ANKRD17: variants seen among roughly 807,000 people sequenced by gnomAD.
ANKRD17 encodes the protein ankyrin repeat domain-containing protein 17.
Under a neutral mutation model 229.7 loss-of-function variants are expected in ANKRD17, and 19 were observed. That is an observed-to-expected ratio of 0.08 (90% CI 0.06 to 0.12). The LOEUF (loss-of-function observed/expected upper bound fraction) is 0.12, where lower values mean the gene tolerates loss of function less well. ANKRD17 is among the 10% of genes least tolerant of loss of function. The pLI, the probability that ANKRD17 is intolerant of heterozygous loss-of-function variation, is 1.00. For missense variants in ANKRD17, 2,176 were observed against 3,176.8 expected (o/e 0.68, Z 7.57); for synonymous variants, 1,112 against 1,146.1 (o/e 0.97, Z 0.60).
intron 16 of ANKRD17, among the ~76,000 whole-genome samples, chr4:73,127,781 T>C (rs1263174849): frequency 1.3e-5 from 2 of 152,218 alleles, no homozygotes; most frequent in African/African-American, 4.8e-5. Flanking sequence ...ATTTACACAT[T>C]GTATTTGTAG....
chr4:73,215,608 C>T (rs1247281415), intron 1 of ANKRD17, among the ~76,000 whole-genome samples: 1 of 152,108 alleles, frequency 6.6e-6, no homozygotes, highest in Non-Finnish European at 1.5e-5. Context: ...CAGTATTTTA[C>T]TATGACCAAT....
Position 73,154,024 on chromosome 4 carries a change from T to C in ANKRD17, c.1090A>G (p.Asn364Asp). The change falls in exon 6 of 34, where the codon AAT (asparagine) becomes GAT (aspartate). Residue 364 changes from asparagine to aspartate, a missense_variant. Asn to Asp is a conservative substitution (Grantham distance 23, BLOSUM62 1). This residue lies in a region of ANKRD17 where 184 missense variants were observed against 357.8 expected (regional missense o/e 0.51). Transcript: ENST00000358602. Reference protein sequence around the residue: ...LESGASIEDHNENGHTPLMEA... With the variant: ...LESGASIEDHDENGHTPLMEA... ...ATAAGAGGGGTATGACCATTTTCAT[T>C]ATGGTCCTCAATACTAGCACCGGAT... 1 of 1,613,250 alleles carries C rather than the reference T, an allele frequency of 6.2e-7. No homozygotes were observed. Among genetic ancestry groups the C allele is most frequent in the Non-Finnish European group, 8.5e-7 (1 of 1,179,596 alleles).
chr4:73,133,389 GT>G lies in ANKRD17; in HGVS notation c.3234+1727del, dbSNP rs1232065955. Among the ~76,000 whole-genome samples, 275 of 123,178 alleles carry G rather than the reference GT, an allele frequency of 2.2e-3. 1 individual carries two copies. Among genetic ancestry groups the G allele is most frequent in the African/African-American group, 5.5e-3 (182 of 33,018 alleles). The allele number at this position is 123,178 out of a possible 152,430, so 80.8% of individuals were successfully genotyped here. A position where few individuals can be genotyped will look rare whatever the true frequency, so the allele number is the denominator to read the frequency against. On this transcript the variant is annotated intron_variant, in intron 16 of 33. Transcript: ENST00000358602. ...ATGGCTCATCAAATGAATGTCTCGTGTTTTTTTTTTTTTTTTTTGAGACAGA... is the reference window on the plus strand; with the variant it reads ...ATGGCTCATCAAATGAATGTCTCGTGTTTTTTTTTTTTTTTTTGAGACAGA...
intron 24 of ANKRD17, among the ~76,000 whole-genome samples, chr4:73,105,306 CTG>C (rs932118703): frequency 2.6e-5 from 4 of 150,994 alleles, no homozygotes; most frequent in African/African-American, 4.9e-5. Flanking sequence ...AAAGGTGTAA[CTG>C]TGTGTGTGTG....
In ANKRD17 at chr4:73,221,715, T is replaced by C. The variant is rs563805662; in HGVS notation, c.393+36561A>G. Among the ~76,000 whole-genome samples, 92 of 151,974 alleles carry C rather than the reference T, an allele frequency of 6.1e-4. 1 individual carries two copies. In the South Asian group the frequency reaches 0.016, roughly 26 times the overall value. ...AGGAAACTCACTAATAGAAACAAAGTAAAAAATAAAAGAGAAAAGAATAAA... is the reference window on the plus strand; with the variant it reads ...AGGAAACTCACTAATAGAAACAAAGCAAAAAATAAAAGAGAAAAGAATAAA... On this transcript the variant is annotated intron_variant, in intron 1 of 33. Coordinates refer to ENST00000358602, the MANE Select transcript of ANKRD17 (RefSeq NM_032217.5).
chr4:73,098,567 A>C (rs1005591128), intron 25 of ANKRD17, 47 bp from the exon 26 acceptor site: 15 of 1,542,480 alleles, frequency 9.7e-6, no homozygotes, highest in Non-Finnish European at 1.3e-5. Flanking sequence ...GTGTTCCCAG[A>C]ATGTATTTAG....
rs1725285740 is a variant in ANKRD17 at position 73,111,279 on chromosome 4, C to T, written c.4401+2513G>A. 2.0e-5 allele frequency among the ~76,000 whole-genome samples: 3 copies of T among 152,162 alleles called. No individual in the cohort carries two copies. In the South Asian group the frequency reaches 6.2e-4, roughly 31 times the overall value. ...ATATGCCAGTAACACTACTCTTGCA[C>T]TTTGGGGCCATTATTAAGTAAAATT... is the stretch of plus-strand genomic sequence containing the variant. On this transcript the variant is annotated intron_variant, in intron 24 of 33. Transcript: ENST00000358602.
intron 1 of ANKRD17, among the ~76,000 whole-genome samples, chr4:73,241,741 T>C (rs527262902): frequency 1.3e-5 from 2 of 152,022 alleles, no homozygotes; most frequent in South Asian, 2.1e-4. Flanking sequence ...CAAATAAATT[T>C]GAAAAACTAA....
At chr4:73,093,793 A>AC (rs1374840193) in intron 28 of ANKRD17, among the ~76,000 whole-genome samples, 5 of 152,326 alleles carry the variant, frequency 3.3e-5, no homozygotes, top group Admixed American at 6.5e-5. Context: ...CTCAGAACAA[A>AC]TTTTTAAGAA....
At chr4:73,157,397 G>C (rs1731807423) in intron 3 of ANKRD17, among the ~76,000 whole-genome samples, 1 of 152,144 alleles carries the variant, frequency 6.6e-6, no homozygotes, top group Non-Finnish European at 1.5e-5. Context: ...CAAAATGAGA[G>C]TGGAAAAAGT....
intron 1 of ANKRD17, among the ~76,000 whole-genome samples, chr4:73,182,558 G>C (rs917862526): frequency 2.0e-5 from 3 of 152,138 alleles, no homozygotes; most frequent in Admixed American, 6.6e-5. Context: ...TACATTTAGG[G>C]ATCAGGCTGT....
intron 1 of ANKRD17, among the ~76,000 whole-genome samples, chr4:73,179,131 A>G (rs958758889): frequency 1.3e-5 from 2 of 152,038 alleles, no homozygotes; most frequent in African/African-American, 4.8e-5. Context: ...ATACTGCTAT[A>G]ATTAATCAAA....
rs561881875 is a variant in ANKRD17, at chr4:73,088,634, G to T, written c.6961+2033C>A. Among the ~76,000 whole-genome samples the T allele has an allele frequency of 5.4e-4, 82 of 152,056 alleles. 1 individual carries two copies. The South Asian group carries it at 0.016, about 29-fold the overall frequency. ...TAATGATCTAAAATCTAATTATATT[G>T]ATTCTATTGTTTTAATATAAAATAA... On this transcript the variant is annotated intron_variant, in intron 29 of 33. Transcript: ENST00000358602.
At chr4:73,223,223 T>C in intron 1 of ANKRD17, 1 of 444,262 alleles carries the variant, frequency 2.3e-6, no homozygotes, top group Non-Finnish European at 3.9e-6. Context: ...ATACAGAAGC[T>C]CTATTCCAAA....
At chr4:73,171,224 T>C (rs1489834126) in intron 2 of ANKRD17, among the ~76,000 whole-genome samples, 1 of 59,820 alleles carries the variant, frequency 1.7e-5, no homozygotes, top group East Asian at 4.5e-4. Flanking sequence ...AGAGAGAGAC[T>C]GAGACTCCAT....
chr4:73,184,712 T>A (rs572934026), intron 1 of ANKRD17, among the ~76,000 whole-genome samples: 1 of 151,938 alleles, frequency 6.6e-6, no homozygotes, highest in Non-Finnish European at 1.5e-5. Flanking sequence ...CTTCCATAAA[T>A]ACACAATAAA....
intron 30 of ANKRD17, among the ~76,000 whole-genome samples, chr4:73,085,008 C>G (rs1002850196): frequency 6.6e-6 from 1 of 151,990 alleles, no homozygotes; most frequent in South Asian, 2.1e-4. Context: ...CAGTGAGAGC[C>G]TGTCTCTAAT....
chr4:73,088,804 C>T (rs1027171092), intron 29 of ANKRD17, among the ~76,000 whole-genome samples: 15 of 152,092 alleles, frequency 9.9e-5, no homozygotes, highest in South Asian at 4.1e-4. Flanking sequence ...ATTTTTGTCC[C>T]GGAATGTCAT....
intron 1 of ANKRD17, among the ~76,000 whole-genome samples, chr4:73,185,636 T>G (rs1736194750): frequency 6.6e-6 from 1 of 152,060 alleles, no homozygotes; most frequent in African/African-American, 2.4e-5. Context: ...GACATTTCAG[T>G]AACATAAAAT....
Sources: gnomAD v4.1 joint callset for allele counts (sites outside exome capture counted in the v4.1 genomes callset) on GRCh38, gnomAD v4.1.1 for gene constraint, gnomAD v4.1.1 regional missense constraint, MANE v1.5 for transcripts, NCBI Gene and HGNC (gene_info 2026-07-23, HGNC 2026-07-21) for gene names.